Variants in HYDIN observed in about 807,000 individuals in gnomAD.
The protein encoded by HYDIN is HYDIN axonemal central pair apparatus protein.
Under a neutral mutation model 403.9 loss-of-function variants are expected in HYDIN, and 132 were observed. The ratio of observed to expected loss-of-function variants is 0.33; its 90% CI spans 0.28 to 0.38. HYDIN has a LOEUF of 0.38. Among genes scored for constraint, HYDIN ranks in the 10% least tolerant of loss-of-function variants. The pLI is 1.00. For missense variants in HYDIN, 2,827 were observed against 5,009.5 expected (o/e 0.56, Z 13.15); for synonymous variants, 1,202 against 1,891.7 (o/e 0.64, Z 9.46).
intron 38 of HYDIN, among the ~76,000 whole-genome samples, chr16:70,960,912 C>T (rs1395069710): frequency 6.6e-6 from 1 of 152,210 alleles, no homozygotes; most frequent in East Asian, 1.9e-4. Flanking sequence ...AGGATGGTCT[C>T]GAACTCCTGA....
At chr16:70,906,019 C>T (rs1412587627) in intron 50 of HYDIN, among the ~76,000 whole-genome samples, 4 of 151,732 alleles carry the variant, frequency 2.6e-5, no homozygotes, top group East Asian at 1.9e-4. Context: ...TAAGCTGCAC[C>T]GAGAAAGCCC....
At chr16:71,130,839 G>C (rs57552582) in intron 8 of HYDIN, among the ~76,000 whole-genome samples, 7,075 of 151,992 alleles carry the variant, frequency 0.047, 250 homozygotes, top group Middle Eastern at 0.14. Context: ...CAAGCTGTCA[G>C]CTTACAAAAT....
At position 70,920,817 on chromosome 16, in the gene HYDIN, C is replaced by T. The variant is rs375392532; in HGVS notation, c.7559G>A (p.Arg2520His). Residue 2520 changes from arginine (R) to histidine (H), a missense_variant, in exon 46 of 86, where the codon CGC becomes CAC. Coordinates refer to ENST00000393567, the MANE Select transcript of HYDIN (RefSeq NM_001270974.2). Reference sequence around the variant, plus strand: ...CCTCTCCAGGCGCTCCTTCTCCGTGCGCTCCTTCTCCAGGCGCTCTCTCTC... The same window carrying T: ...CCTCTCCAGGCGCTCCTTCTCCGTGTGCTCCTTCTCCAGGCGCTCTCTCTC... ...DRERERLEKE[R>H]TEKERLEREK... 31 of 1,567,578 alleles carry T rather than the reference C, an allele frequency of 2.0e-5. No homozygotes were observed. The highest frequency in any genetic ancestry group is 6.8e-5 in the African/African-American group (5 of 73,640).
At position 70,805,785 on chromosome 16, in the gene HYDIN, G is replaced by A. The variant is rs181948166; in HGVS notation, c.*1795C>T. Among the ~76,000 whole-genome samples the A allele has an allele frequency of 1.3e-5, 2 of 152,248 alleles. No individual in the cohort carries two copies. The highest frequency in any genetic ancestry group is 1.9e-4 in the East Asian group (1 of 5,188). ...TCTTTAGAGGTTATAGAAATAAATTGTCTATTGAGTATGGCAGTCCTCCTC... is the reference window on the plus strand; with the variant it reads ...TCTTTAGAGGTTATAGAAATAAATTATCTATTGAGTATGGCAGTCCTCCTC... On this transcript the variant is annotated 3_prime_UTR_variant, in exon 86 of 86. Transcript: ENST00000393567.
intron 50 of HYDIN, among the ~76,000 whole-genome samples, chr16:70,904,792 G>A (rs113065865): frequency 0.026 from 4,006 of 151,196 alleles, 121 homozygotes; most frequent in African/African-American, 0.091. Flanking sequence ...ATGAGCCACC[G>A]TGCCCGGCCT....
At chr16:70,933,333 G>A (rs556916482) in intron 45 of HYDIN, among the ~76,000 whole-genome samples, 28 of 150,964 alleles carry the variant, frequency 1.9e-4, no homozygotes, top group African/African-American at 6.3e-4. Context: ...AAGGGTTGGG[G>A]AGGAATATAG....
chr16:71,093,764 A>C, intron 11 of HYDIN, 53 bp downstream of exon 11: 1 of 1,580,366 alleles, frequency 6.3e-7, no homozygotes, highest in South Asian at 1.2e-5. Context: ...GATAAAACAA[A>C]CCCCAAAAGC....
At chr16:71,152,428 G>A (rs1325848538) in intron 7 of HYDIN, among the ~76,000 whole-genome samples, 2 of 149,584 alleles carry the variant, frequency 1.3e-5, no homozygotes, top group African/African-American at 2.5e-5. Context: ...AAGTTCTTTC[G>A]TAGTGATTTC....
chr16:71,150,199 A>G (rs1012171690), intron 7 of HYDIN, among the ~76,000 whole-genome samples: 2 of 152,002 alleles, frequency 1.3e-5, no homozygotes. Flanking sequence ...AATCAAAGGG[A>G]AACTTGAAAA....
At chr16:70,914,528 C>T (rs1361656031) in intron 47 of HYDIN, among the ~76,000 whole-genome samples, 3 of 140,052 alleles carry the variant, frequency 2.1e-5, no homozygotes, top group East Asian at 4.0e-4. Flanking sequence ...ATAGGTTTTC[C>T]TTTGTTGATT....
chr16:70,940,655 G>C (rs1037667824), intron 43 of HYDIN, among the ~76,000 whole-genome samples: 6 of 152,360 alleles, frequency 3.9e-5, no homozygotes, highest in African/African-American at 1.2e-4. Context: ...AAACTAGGCA[G>C]CTGGAGGCTG....
At position 70,915,024 on chromosome 16, in the gene HYDIN, A is replaced by C. The variant is rs2035819121; in HGVS notation, c.8004+3187T>G. Among the ~76,000 whole-genome samples the C allele has an allele frequency of 2.0e-5, 3 of 151,256 alleles. No homozygotes were observed. In the South Asian group the frequency reaches 6.3e-4, roughly 32 times the overall value. Reference sequence around the variant, plus strand: ...TTATTTATGCTGTGTATTTCATTGAATATTTCTCCCTTTACTTCTTCTATC... The same window carrying C: ...TTATTTATGCTGTGTATTTCATTGACTATTTCTCCCTTTACTTCTTCTATC... On this transcript the variant is annotated intron_variant, in intron 47 of 85. Coordinates refer to ENST00000393567, the MANE Select transcript of HYDIN (RefSeq NM_001270974.2).
chr16:70,922,444 A>G (rs1370092160), intron 45 of HYDIN, among the ~76,000 whole-genome samples: 1 of 152,240 alleles, frequency 6.6e-6, no homozygotes, highest in African/African-American at 2.4e-5. Flanking sequence ...AGATGCAGAA[A>G]GAAAATACAC....
At chr16:70,813,357 G>T (rs1413687303) in intron 84 of HYDIN, among the ~76,000 whole-genome samples, 1 of 151,876 alleles carries the variant, frequency 6.6e-6, no homozygotes, top group Non-Finnish European at 1.5e-5. Flanking sequence ...GCATAGTGAG[G>T]AACTGAAGCC....
At chr16:71,224,795 T>A in intron 1 of HYDIN, among the ~76,000 whole-genome samples, 1 of 151,928 alleles carries the variant, frequency 6.6e-6, no homozygotes, top group South Asian at 2.1e-4. Context: ...TCTCCTGACC[T>A]CGTGATCCGC....
intron 4 of HYDIN, chr16:71,175,944 T>A: frequency 3.2e-6 from 2 of 626,076 alleles, no homozygotes; most frequent in South Asian, 3.6e-5. Context: ...TCATTTTTAT[T>A]AACATTATTA....
At position 71,115,584 on chromosome 16, in the gene HYDIN, G is replaced by A. The variant is rs369467847; in HGVS notation, c.1327+112C>T. ...ATCAATATAATCAATATCATGTACC[G>A]CCCATGGCATGATCCCACATGCACA... On this transcript the variant is annotated intron_variant, in intron 10 of 85. Coordinates refer to ENST00000393567, the MANE Select transcript of HYDIN (RefSeq NM_001270974.2). The A allele has an allele frequency of 8.8e-4, 571 of 649,076 alleles. 4 individuals are homozygous for A. The highest frequency in any genetic ancestry group is 8.1e-3 in the African/African-American group (448 of 55,582). The allele number at this position is 649,076 out of a possible 1,614,324, so 40.2% of individuals were successfully genotyped here. A position where few individuals can be genotyped will look rare whatever the true frequency, so the allele number is the denominator to read the frequency against.
At chr16:71,028,118 C>T (rs55783560) in intron 19 of HYDIN, among the ~76,000 whole-genome samples, 49,205 of 148,746 alleles carry the variant, frequency 0.33, 7,668 homozygotes, top group Non-Finnish European at 0.44. Flanking sequence ...CCAGCAGGCC[C>T]CACACACTGC....
chr16:70,953,600 A>G (rs916391494), intron 40 of HYDIN, among the ~76,000 whole-genome samples: 24 of 151,996 alleles, frequency 1.6e-4, no homozygotes, highest in Non-Finnish European at 3.2e-4. Flanking sequence ...CCATGGTCCT[A>G]ACCTGCCTCG....
Sources: allele counts gnomAD v4.1 joint callset (sites outside exome capture counted in the v4.1 genomes callset), GRCh38; gene constraint gnomAD v4.1.1; transcripts MANE v1.5; gene names NCBI Gene and HGNC (gene_info 2026-07-23, HGNC 2026-07-21).